Variants in ZNF654 observed in about 807,000 individuals in gnomAD.
The protein encoded by ZNF654 is zinc finger protein 654.
A neutral mutation model predicts 95.3 loss-of-function variants in ZNF654; 19 were observed. The ratio of observed to expected loss-of-function variants is 0.20; its 90% CI spans 0.14 to 0.29. The LOEUF is 0.29. Ranked by LOEUF, ZNF654 falls within the 10% of genes least tolerant of loss-of-function variation. The pLI, the probability that ZNF654 is intolerant of heterozygous loss-of-function variation, is 1.00. For synonymous variants in ZNF654, 413 were observed against 457.9 expected (o/e 0.90, Z 1.25); for missense variants, 1,046 against 1,341.0 (o/e 0.78, Z 3.44).
intron 6 of ZNF654, among the ~76,000 whole-genome samples, chr3:88,133,137 T>C (rs1261460964): frequency 2.0e-5 from 3 of 152,156 alleles, no homozygotes; most frequent in Non-Finnish European, 4.4e-5. Flanking sequence ...CTAGCCTGAC[T>C]GGGATCACTT....
intron 6 of ZNF654, among the ~76,000 whole-genome samples, chr3:88,132,365 G>A (rs527928679): frequency 7.9e-5 from 12 of 152,232 alleles, no homozygotes; most frequent in Admixed American, 2.6e-4. Context: ...TGGGAAATGC[G>A]TTTGTACACT....
chr3:88,080,943 AT>A (rs1559696461), intron 1 of ZNF654, among the ~76,000 whole-genome samples: 1 of 152,212 alleles, frequency 6.6e-6, no homozygotes, highest in Non-Finnish European at 1.5e-5. Flanking sequence ...AAATTTTTCC[AT>A]TGATGTTCTT....
At chr3:88,121,556 T>A (rs112703704) in intron 3 of ZNF654, among the ~76,000 whole-genome samples, 2 of 152,096 alleles carry the variant, frequency 1.3e-5, no homozygotes. Flanking sequence ...TAAATATTCC[T>A]CAGGAACCTA....
rs1245531932 is a variant in ZNF654 at position 88,144,316 on chromosome 3, C to T, written c.*2664C>T. On this transcript the variant is annotated 3_prime_UTR_variant, in exon 9 of 9. Coordinates refer to ENST00000636215, the MANE Select transcript of ZNF654 (RefSeq NM_001350134.2). ...TTTCAAATCACACTGAAGGTTCAGC[C>T]GTACTCCTTTCATGTTTGGTTTAAT... 6.6e-5 allele frequency: 10 copies of T among 152,270 alleles called. No individual in the cohort carries two copies. The highest frequency in any genetic ancestry group is 1.0e-4 in the Non-Finnish European group (7 of 67,794). The allele number at this position is 152,270 out of a possible 1,614,324, so 9.4% of individuals were successfully genotyped here.
At chr3:88,133,418 G>A (rs958978518) in intron 6 of ZNF654, among the ~76,000 whole-genome samples, 2 of 152,088 alleles carry the variant, frequency 1.3e-5, no homozygotes, top group Non-Finnish European at 2.9e-5. Flanking sequence ...AGGTAGGATC[G>A]ATAAAATATA....
intron 1 of ZNF654, among the ~76,000 whole-genome samples, chr3:88,061,656 C>G (rs1488419615): frequency 6.6e-6 from 1 of 152,062 alleles, no homozygotes; most frequent in African/African-American, 2.4e-5. Flanking sequence ...TGAATTTTAT[C>G]TACTGAGAAA....
chr3:88,093,892 G>A (rs1703894967), intron 2 of ZNF654, among the ~76,000 whole-genome samples: 1 of 152,166 alleles, frequency 6.6e-6, no homozygotes, highest in Non-Finnish European at 1.5e-5. Flanking sequence ...TGTTTGTATT[G>A]TAGGTCCCAA....
intron 6 of ZNF654, among the ~76,000 whole-genome samples, chr3:88,134,115 A>AT (rs1159362108): frequency 6.6e-5 from 10 of 151,122 alleles, no homozygotes; most frequent in Admixed American, 6.6e-4. Flanking sequence ...AAAAAAAAAA[A>AT]GGTGGGGGGT....
At chr3:88,065,021 T>C (rs1348105586) in intron 1 of ZNF654, among the ~76,000 whole-genome samples, 2 of 152,260 alleles carry the variant, frequency 1.3e-5, no homozygotes, top group African/African-American at 2.4e-5. Flanking sequence ...ATTGCATTGA[T>C]AATAATTTTT....
chr3:88,096,743 G>A (rs1704085143), intron 2 of ZNF654, among the ~76,000 whole-genome samples: 1 of 151,872 alleles, frequency 6.6e-6, no homozygotes, highest in African/African-American at 2.4e-5. Context: ...ACATGTTCAT[G>A]GTTCAAAATT....
intron 1 of ZNF654, among the ~76,000 whole-genome samples, chr3:88,084,775 C>A (rs925004058): frequency 6.6e-6 from 1 of 152,146 alleles, no homozygotes; most frequent in Non-Finnish European, 1.5e-5. Flanking sequence ...CAGCAAGCAG[C>A]GTGAGTTTCG....
At position 88,086,394 on chromosome 3, in the gene ZNF654, C is replaced by G; in HGVS notation, c.324C>G (p.Ser108Arg). ...AGCATGTACAATATGTTTTGAGTAG[C>G]CTTGCTGTGTAAGTACTTTTTACTT... ...ECEHVQYVLSSLAVSFFELLL... is the reference protein window; with the variant it reads ...ECEHVQYVLSRLAVSFFELLL... Residue 108 changes from serine (S) to arginine (R), a missense_variant, in exon 2 of 9, where the codon AGC becomes AGG. This residue lies in a region of ZNF654 where 91 missense variants were observed against 190.5 expected (regional missense o/e 0.48). Coordinates refer to ENST00000636215, the MANE Select transcript of ZNF654 (RefSeq NM_001350134.2). The G allele has an allele frequency of 6.6e-7, 1 of 1,523,602 alleles. No individual in the cohort carries two copies. Among genetic ancestry groups the G allele is most frequent in the Non-Finnish European group, 8.8e-7 (1 of 1,139,624 alleles). 94.4% of individuals were successfully genotyped at this position (1,523,602 alleles called of 1,614,324 possible).
At chr3:88,122,661 G>A (rs1705839021) in intron 3 of ZNF654, among the ~76,000 whole-genome samples, 2 of 152,132 alleles carry the variant, frequency 1.3e-5, no homozygotes, top group South Asian at 4.1e-4. Flanking sequence ...ACTTAATAAA[G>A]GATTAAGTTG....
rs1559701563 is a variant in ZNF654 at position 88,088,750 on chromosome 3, ATG to A, written c.332+2350_332+2351del. On this transcript the variant is annotated intron_variant, in intron 2 of 8. Coordinates refer to ENST00000636215, the MANE Select transcript of ZNF654 (RefSeq NM_001350134.2). The stretch of plus-strand genomic sequence containing the variant: ...TTTAAAAAAAAACCTTTATTTATGT[ATG>A]TATGTATGTATGGATGGATGGATGG... Among the ~76,000 whole-genome samples, 1,173 of 126,808 alleles carry A rather than the reference ATG, an allele frequency of 9.3e-3. 22 individuals are homozygous for A. The highest frequency in any genetic ancestry group is 0.03 in the African/African-American group (1,118 of 36,856). The allele number at this position is 126,808 out of a possible 152,430, so 83.2% of individuals were successfully genotyped here. A position where few individuals can be genotyped will look rare whatever the true frequency, so the allele number is the denominator to read the frequency against.
chr3:88,116,218 A>G (rs145396971), intron 3 of ZNF654, among the ~76,000 whole-genome samples: 1 of 152,180 alleles, frequency 6.6e-6, no homozygotes, highest in African/African-American at 2.4e-5. Context: ...TTTTATACCC[A>G]CATTAAAAAT....
chr3:88,080,452 A>G (rs796187440), intron 1 of ZNF654, among the ~76,000 whole-genome samples: 11 of 152,242 alleles, frequency 7.2e-5, no homozygotes, highest in African/African-American at 2.6e-4. Flanking sequence ...ATATTTTAAT[A>G]TATGTCTTAT....
At chr3:88,095,627 C>A in intron 2 of ZNF654, 2 of 513,330 alleles carry the variant, frequency 3.9e-6, no homozygotes, top group South Asian at 1.4e-5. Flanking sequence ...CTAGTCTTAT[C>A]TCGAAGCCCC....
intron 6 of ZNF654, among the ~76,000 whole-genome samples, chr3:88,134,180 T>C (rs1706630082): frequency 6.6e-6 from 1 of 152,006 alleles, no homozygotes; most frequent in Non-Finnish European, 1.5e-5. Flanking sequence ...AATTTTGGTT[T>C]TACTACTCAT....
At chr3:88,059,670 G>A (rs573802019) in intron 1 of ZNF654, among the ~76,000 whole-genome samples, 165 bp downstream of exon 1, 1 of 151,970 alleles carries the variant, frequency 6.6e-6, no homozygotes, top group African/African-American at 2.4e-5. Flanking sequence ...TTGGGGTGGG[G>A]GGCGGGGAGC....
Sources: allele counts gnomAD v4.1 joint callset (sites outside exome capture counted in the v4.1 genomes callset), GRCh38; gene constraint gnomAD v4.1.1; regional missense constraint gnomAD v4.1.1; transcripts MANE v1.5; gene names NCBI Gene and HGNC (gene_info 2026-07-23, HGNC 2026-07-21).